Variants in LRRC7 observed in about 807,000 individuals in gnomAD.
LRRC7 encodes the protein leucine rich repeat containing 7.
Under a neutral mutation model 175.7 loss-of-function variants are expected in LRRC7, and 23 were observed. The observed-to-expected ratio is 0.13, with a 90% CI of 0.09 to 0.19. The LOEUF (loss-of-function observed/expected upper bound fraction) is 0.19, where lower values mean the gene tolerates loss of function less well. LRRC7 is among the 10% of genes least tolerant of loss of function. LRRC7 has a pLI of 1.00. For missense variants in LRRC7, 1,354 were observed against 1,904.7 expected, an observed-to-expected ratio of 0.71 and a Z score of 5.38; for synonymous variants, 685 against 680.9, an observed-to-expected ratio of 1.01 and a Z score of -0.09.
chr1:70,093,358 T>C (rs1394800804), intron 25 of LRRC7, among the ~76,000 whole-genome samples: 11 of 152,164 alleles, frequency 7.2e-5, no homozygotes, highest in Admixed American at 6.6e-4. Context: ...ACTATTTCTG[T>C]TAGTTGAGTA....
chr1:70,137,418 T>G lies in LRRC7; in HGVS notation c.*15531T>G, dbSNP rs1479539531. ...TTAACCTTTAGTGACCCTTGAAAGC[T>G]TTAAAATAATTCTTTTGTGTTTTAG... On this transcript the variant is annotated 3_prime_UTR_variant, in exon 27 of 27. Coordinates refer to ENST00000651989, the MANE Select transcript of LRRC7 (RefSeq NM_001370785.2). Among the ~76,000 whole-genome samples, 4 of 152,222 alleles carry G rather than the reference T, an allele frequency of 2.6e-5. No homozygotes were observed. The highest frequency in any genetic ancestry group is 7.2e-5 in the African/African-American group (3 of 41,460).
intron 1 of LRRC7, among the ~76,000 whole-genome samples, chr1:69,617,547 T>TAAAAAAAAA (rs11473590): frequency 2.4e-4 from 15 of 61,998 alleles, no homozygotes; most frequent in Middle Eastern, 0.016. Context: ...ATACTCACAG[T>TAAAAAAAAA]AAAAAAAAAA....
chr1:69,605,008 G>A (rs917166732), intron 1 of LRRC7, among the ~76,000 whole-genome samples: 7 of 152,146 alleles, frequency 4.6e-5, no homozygotes, highest in African/African-American at 1.7e-4. Flanking sequence ...AGGCTGGCTG[G>A]ATAGGCAGGT....
At chr1:69,854,845 C>T (rs765575689) in intron 7 of LRRC7, among the ~76,000 whole-genome samples, 6 of 152,032 alleles carry the variant, frequency 3.9e-5, no homozygotes, top group Non-Finnish European at 7.4e-5. Context: ...AATCTGGATT[C>T]ATTTTCCTTA....
intron 8 of LRRC7, among the ~76,000 whole-genome samples, chr1:69,951,347 A>C (rs993811737): frequency 6.6e-6 from 1 of 152,134 alleles, no homozygotes; most frequent in East Asian, 1.9e-4. Context: ...GTGATACTGT[A>C]AATTAGTTCA....
At chr1:69,856,952 G>T (rs1475290041) in intron 7 of LRRC7, among the ~76,000 whole-genome samples, 2 of 152,072 alleles carry the variant, frequency 1.3e-5, no homozygotes, top group South Asian at 4.2e-4. Flanking sequence ...CGCAAGGCTG[G>T]TTCAACATAC....
chr1:70,083,965 A>G (rs146631033), intron 24 of LRRC7, among the ~76,000 whole-genome samples: 130 of 152,208 alleles, frequency 8.5e-4, no homozygotes, highest in African/African-American at 3.0e-3. Flanking sequence ...ATTCTCCACT[A>G]CTAAAGTGAT....
chr1:69,764,893 T>C (rs1041902861), intron 3 of LRRC7, among the ~76,000 whole-genome samples: 1 of 152,068 alleles, frequency 6.6e-6, no homozygotes, highest in South Asian at 2.1e-4. Context: ...AAGATTTCCA[T>C]GTTAATTTAC....
At chr1:69,589,909 C>T (rs926711983) in intron 1 of LRRC7, among the ~76,000 whole-genome samples, 9 of 149,858 alleles carry the variant, frequency 6.0e-5, no homozygotes, top group Non-Finnish European at 1.3e-4. Flanking sequence ...AGAAAAATCT[C>T]TCAGCAAGTG....
intron 1 of LRRC7, among the ~76,000 whole-genome samples, chr1:69,635,493 G>T (rs1653192577): frequency 6.6e-6 from 1 of 151,974 alleles, no homozygotes; most frequent in African/African-American, 2.4e-5. Flanking sequence ...AAAATCAGAG[G>T]TAATAAATGG....
At chr1:69,916,261 T>C (rs1646712637) in intron 7 of LRRC7, among the ~76,000 whole-genome samples, 1 of 133,254 alleles carries the variant, frequency 7.5e-6, no homozygotes, top group Admixed American at 9.0e-5. Context: ...AAAATATAAA[T>C]ATAAAATATA....
chr1:69,963,344 A>G (rs1651327323), intron 8 of LRRC7, among the ~76,000 whole-genome samples: 1 of 152,016 alleles, frequency 6.6e-6, no homozygotes, highest in Non-Finnish European at 1.5e-5. Flanking sequence ...AAGAAAAAGA[A>G]AACATTTGCA....
intron 23 of LRRC7, among the ~76,000 whole-genome samples, chr1:70,074,782 T>A (rs913363544): frequency 2.6e-5 from 4 of 152,248 alleles, no homozygotes; most frequent in Non-Finnish European, 4.4e-5. Context: ...GTCTCTTGTT[T>A]GGAATCCAGC....
chr1:70,063,853 C>T (rs1381964141), intron 23 of LRRC7, among the ~76,000 whole-genome samples: 1 of 151,926 alleles, frequency 6.6e-6, no homozygotes, highest in Non-Finnish European at 1.5e-5. Flanking sequence ...TTTCCTAAAT[C>T]CATAGCTATG....
At chr1:69,779,958 T>C (rs935702285) in intron 3 of LRRC7, among the ~76,000 whole-genome samples, 22 of 152,206 alleles carry the variant, frequency 1.4e-4, no homozygotes, top group African/African-American at 4.1e-4. Context: ...CAAAATCTTC[T>C]CTTCTTTGCC....
chr1:69,696,405 T>G (rs577566166), intron 2 of LRRC7, among the ~76,000 whole-genome samples: 6 of 152,324 alleles, frequency 3.9e-5, no homozygotes, highest in African/African-American at 1.4e-4. Context: ...AATAACTTGT[T>G]TTTTTAATTT....
At chr1:69,676,457 T>C in intron 1 of LRRC7, among the ~76,000 whole-genome samples, 1 of 152,228 alleles carries the variant, frequency 6.6e-6, no homozygotes, top group Admixed American at 6.5e-5. Flanking sequence ...GTTCCAAATT[T>C]TCAAATCCTG....
At chr1:69,796,228 T>C (rs957408626) in intron 4 of LRRC7, among the ~76,000 whole-genome samples, 1 of 150,752 alleles carries the variant, frequency 6.6e-6, no homozygotes, top group African/African-American at 2.4e-5. Flanking sequence ...GTTTGGTTTT[T>C]TGTCCTTGCA....
chr1:70,044,092 AAAGT>A lies in LRRC7; in HGVS notation c.4110+4_4110+7del, dbSNP rs746972821. 3.1e-4 allele frequency: 494 copies of A among 1,612,536 alleles called. 1 individual carries two copies. The highest frequency in any genetic ancestry group is 3.9e-4 in the Non-Finnish European group (463 of 1,179,274). The stretch of plus-strand genomic sequence containing the variant: ...TGATCATCAAGAACTACCTCTTCAG[AAAGT>A]AAGTATGGACTGCCCTACATGTGTC... On this transcript the variant is annotated splice_donor_variant and coding_sequence_variant, in exon 22 of 27. Coordinates refer to ENST00000651989, the MANE Select transcript of LRRC7 (RefSeq NM_001370785.2). LOFTEE classifies it high-confidence loss of function.
Sources: gnomAD v4.1 joint callset for allele counts (sites outside exome capture counted in the v4.1 genomes callset) on GRCh38, gnomAD v4.1.1 for gene constraint, MANE v1.5 for transcripts, NCBI Gene and HGNC (gene_info 2026-07-23, HGNC 2026-07-21) for gene names.